Variants in IRAG2 observed in about 807,000 individuals in gnomAD.
The protein encoded by IRAG2 is inositol 1,4,5-triphosphate receptor associated 2, also known as lymphoid restricted membrane protein.
In IRAG2, 45 loss-of-function variants were observed where a neutral mutation model predicts 69.9. That is an observed-to-expected ratio of 0.64 (90% CI 0.51 to 0.83). IRAG2 has a LOEUF of 0.83. Ranked by LOEUF, IRAG2 falls within the 40% of genes least tolerant of loss-of-function variation. The probability of loss-of-function intolerance (pLI) is 0.00; values close to 1 mark genes in which losing one functional copy is unlikely to be tolerated. For synonymous variants in IRAG2, 193 were observed against 202.4 expected, an observed-to-expected ratio of 0.95 and a Z score of 0.40; for missense variants, 520 against 587.0, an observed-to-expected ratio of 0.89 and a Z score of 1.18.
rs935193672 is a variant in IRAG2 at position 25,052,731 on chromosome 12, G to A, written c.-672G>A. The A allele has an allele frequency of 2.5e-5, 10 of 398,362 alleles. No homozygotes were observed. Among genetic ancestry groups the A allele is most frequent in the Admixed American group, 8.8e-5 (2 of 22,704 alleles). 24.7% of individuals were successfully genotyped at this position (398,362 alleles called of 1,614,324 possible). The stretch of plus-strand genomic sequence containing the variant: ...AGTTTTGCCTGCATCATAAGAGTGA[G>A]CACTCCATTGCTTTCTTTCCTGGCC... On this transcript the variant is annotated 5_prime_UTR_variant, in exon 1 of 22. Transcript: ENST00000556887.
At chr12:25,042,516 A>T (rs895036079) in intron 16 of IRAG2, among the ~76,000 whole-genome samples, 1 of 151,948 alleles carries the variant, frequency 6.6e-6, no homozygotes, top group African/African-American at 2.4e-5. Context: ...GCCAGGGTGG[A>T]GTGCAGTGGT....
chr12:25,078,737 C>A (rs1946989639), intron 6 of IRAG2, among the ~76,000 whole-genome samples: 2 of 152,174 alleles, frequency 1.3e-5, no homozygotes, highest in Admixed American at 1.3e-4. Flanking sequence ...TTTTGAGAAT[C>A]AAGTAATAGG....
chr12:25,066,760 A>G (rs1481499100), intron 5 of IRAG2, among the ~76,000 whole-genome samples: 2 of 150,280 alleles, frequency 1.3e-5, no homozygotes, highest in East Asian at 2.0e-4. Context: ...AGCAATTCTC[A>G]TGCCTCAGCC....
At chr12:25,083,122 A>G (rs1456421967) in intron 9 of IRAG2, among the ~76,000 whole-genome samples, 1 of 152,226 alleles carries the variant, frequency 6.6e-6, no homozygotes, top group Non-Finnish European at 1.5e-5. Flanking sequence ...CTATTATTGT[A>G]CCAGTCATGT....
chr12:25,049,662 A>G (rs1944824701), upstream of IRAG2, among the ~76,000 whole-genome samples: 1 of 152,200 alleles, frequency 6.6e-6, no homozygotes, highest in Non-Finnish European at 1.5e-5. Context: ...CTATAATTAG[A>G]TATTGTATCA....
chr12:25,018,192 T>TG (rs1328054934), intron 6 of IRAG2, among the ~76,000 whole-genome samples: 1 of 90,666 alleles, frequency 1.1e-5, no homozygotes, highest in Non-Finnish European at 2.3e-5. Context: ...CTTTCTTTCT[T>TG]CTTTTTTTTT....
Position 25,108,299 on chromosome 12 carries a change from T to C in IRAG2, c.*239T>C, listed in dbSNP as rs1051660919. The C allele has an allele frequency of 4.0e-5, 22 of 547,764 alleles. No individual in the cohort carries two copies. The highest frequency in any genetic ancestry group is 6.8e-5 in the Non-Finnish European group (22 of 322,156). The allele number at this position is 547,764 out of a possible 1,614,324, so 33.9% of individuals were successfully genotyped here. On this transcript the variant is annotated 3_prime_UTR_variant, in exon 22 of 22. Coordinates refer to ENST00000556887, the MANE Select transcript of IRAG2 (RefSeq NM_001366544.2). ...GGAAGAAATATTATATATTGTTTGTTAAAGTTTATTGAAATAAAGAATCAT... is the reference window on the plus strand; with the variant it reads ...GGAAGAAATATTATATATTGTTTGTCAAAGTTTATTGAAATAAAGAATCAT...
intron 10 of IRAG2, among the ~76,000 whole-genome samples, chr12:25,083,776 T>C (rs1947381174): frequency 6.6e-6 from 1 of 152,216 alleles, no homozygotes; most frequent in Non-Finnish European, 1.5e-5. Flanking sequence ...CAAAAGTCAA[T>C]TGGAAACAAG....
intron 2 of IRAG2, among the ~76,000 whole-genome samples, chr12:25,007,216 A>G (rs922643169): frequency 4.6e-5 from 7 of 152,250 alleles, no homozygotes; most frequent in African/African-American, 1.7e-4. Flanking sequence ...AATCGCAGAG[A>G]TCATAGTATT....
intron 8 of IRAG2, among the ~76,000 whole-genome samples, chr12:25,026,174 C>G (rs917049135): frequency 2.6e-5 from 4 of 152,112 alleles, no homozygotes; most frequent in African/African-American, 9.7e-5. Flanking sequence ...TTGCCACCCC[C>G]TGATTTAGGT....
At chr12:25,074,993 T>C (rs1432977450) in intron 6 of IRAG2, among the ~76,000 whole-genome samples, 2 of 152,180 alleles carry the variant, frequency 1.3e-5, no homozygotes, top group Non-Finnish European at 2.9e-5. Context: ...ACATTGCCAG[T>C]TGCAAAATTG....
chr12:25,052,516 G>A, upstream of IRAG2: 1 of 397,038 alleles, frequency 2.5e-6, no homozygotes, highest in Non-Finnish European at 4.4e-6. Context: ...GGAAGTAAAG[G>A]GGGAGTTGTA....
At chr12:25,094,227 T>C (rs1441179008) in intron 14 of IRAG2, among the ~76,000 whole-genome samples, 4 of 152,174 alleles carry the variant, frequency 2.6e-5, no homozygotes, top group African/African-American at 9.7e-5. Context: ...GGTCTTACTT[T>C]TAGGTATTTA....
intron 20 of IRAG2, among the ~76,000 whole-genome samples, chr12:25,105,541 T>A (rs1949021155): frequency 6.6e-6 from 1 of 152,118 alleles, no homozygotes; most frequent in Non-Finnish European, 1.5e-5. Flanking sequence ...AAATAATCTG[T>A]TTTGGTTTTT....
At chr12:25,079,968 G>T (rs1344630050) in intron 9 of IRAG2, among the ~76,000 whole-genome samples, 1 of 152,108 alleles carries the variant, frequency 6.6e-6, no homozygotes, top group Non-Finnish European at 1.5e-5. Flanking sequence ...CATAAGGATG[G>T]TATCAATTTT....
chr12:25,077,361 G>GAT (rs1555139240), intron 6 of IRAG2, among the ~76,000 whole-genome samples: 1,380 of 12,466 alleles, frequency 0.11, 146 homozygotes, highest in Non-Finnish European at 0.17. Flanking sequence ...TGATATATAT[G>GAT]ATATATATGA....
chr12:25,013,763 C>T (rs926774834), intron 3 of IRAG2, among the ~76,000 whole-genome samples: 4 of 151,040 alleles, frequency 2.6e-5, no homozygotes, highest in East Asian at 1.9e-4. Flanking sequence ...TAGTATAATC[C>T]CATTTTTGGA....
chr12:25,088,895 G>C (rs1027338765), intron 11 of IRAG2, among the ~76,000 whole-genome samples: 4 of 151,988 alleles, frequency 2.6e-5, no homozygotes, highest in Admixed American at 1.3e-4. Flanking sequence ...TCTCATAAAA[G>C]TTAGTTACTA....
intron 10 of IRAG2, chr12:25,031,170 A>G (rs1158378990): frequency 1.5e-6 from 1 of 670,432 alleles, no homozygotes; most frequent in Non-Finnish European, 1.8e-6. Flanking sequence ...AGAAACATGC[A>G]TAGCTGTGGA....
Sources: allele counts gnomAD v4.1 joint callset (sites outside exome capture counted in the v4.1 genomes callset), GRCh38; gene constraint gnomAD v4.1.1; transcripts MANE v1.5; gene names NCBI Gene and HGNC (gene_info 2026-07-23, HGNC 2026-07-21).